Variants in CDH12 observed in about 807,000 individuals in gnomAD.
The protein encoded by CDH12 is cadherin-12.
CDH12 carries 41 observed loss-of-function variants against 74.1 expected under a neutral mutation model. The ratio of observed to expected loss-of-function variants is 0.55; its 90% confidence interval spans 0.43 to 0.72. The LOEUF (loss-of-function observed/expected upper bound fraction) is 0.72, where lower values mean the gene tolerates loss of function less well. Ranked by LOEUF, CDH12 falls within the 30% of genes least tolerant of loss-of-function variation. CDH12 has a pLI of 0.00. For missense variants in CDH12, 945 were observed against 977.2 expected, an observed-to-expected ratio of 0.97 and a Z score of 0.44; for synonymous variants, 399 against 355.0, an observed-to-expected ratio of 1.12 and a Z score of -1.39.
At chr5:22,003,299 TA>T (rs1480963640) in intron 5 of CDH12, among the ~76,000 whole-genome samples, 22 of 152,174 alleles carry the variant, frequency 1.4e-4, no homozygotes, top group African/African-American at 5.3e-4. Context: ...TAACTGGAAT[TA>T]GTTAATGAAG....
intron 1 of CDH12, among the ~76,000 whole-genome samples, chr5:22,819,820 G>T (rs1212782208): frequency 6.7e-6 from 1 of 149,970 alleles, no homozygotes; most frequent in East Asian, 1.9e-4. Flanking sequence ...AAGATATCCA[G>T]ATACTTAAAT....
chr5:22,121,083 C>A (rs1745487992), intron 4 of CDH12, among the ~76,000 whole-genome samples: 1 of 151,994 alleles, frequency 6.6e-6, no homozygotes, highest in South Asian at 2.1e-4. Flanking sequence ...TCACTTAATT[C>A]CAAATTTAAA....
At chr5:22,436,946 T>C (rs1337904432) in intron 2 of CDH12, among the ~76,000 whole-genome samples, 1 of 152,096 alleles carries the variant, frequency 6.6e-6, no homozygotes, top group Non-Finnish European at 1.5e-5. Flanking sequence ...CATGTATAAA[T>C]ATGTGGTAAA....
intron 1 of CDH12, among the ~76,000 whole-genome samples, chr5:22,782,198 T>G (rs1316082838): frequency 5.3e-5 from 8 of 152,138 alleles, no homozygotes; most frequent in African/African-American, 1.7e-4. Flanking sequence ...AAGACATGAT[T>G]GGCTTTGAAA....
intron 5 of CDH12, among the ~76,000 whole-genome samples, chr5:22,059,158 A>T (rs1740977480): frequency 6.6e-6 from 1 of 152,118 alleles, no homozygotes; most frequent in Non-Finnish European, 1.5e-5. Flanking sequence ...TAGTTGCTCA[A>T]AAGGTTTTAA....
chr5:22,323,785 A>G (rs190889090), intron 3 of CDH12, among the ~76,000 whole-genome samples: 1 of 151,994 alleles, frequency 6.6e-6, no homozygotes, highest in Non-Finnish European at 1.5e-5. Flanking sequence ...CTTTGCTTTA[A>G]GTTATAGAAA....
At chr5:22,780,855 T>C (rs188428202) in intron 1 of CDH12, among the ~76,000 whole-genome samples, 1 of 152,306 alleles carries the variant, frequency 6.6e-6, no homozygotes. Context: ...ACTTGTGGTA[T>C]AAATATTTGC....
At chr5:22,242,133 C>T (rs1375857283) in intron 3 of CDH12, among the ~76,000 whole-genome samples, 1 of 152,050 alleles carries the variant, frequency 6.6e-6, no homozygotes, top group African/African-American at 2.4e-5. Context: ...GTCATACCTC[C>T]AGTCAGAAAG....
chr5:22,819,785 A>T (rs1749576041), intron 1 of CDH12, among the ~76,000 whole-genome samples: 1 of 151,254 alleles, frequency 6.6e-6, no homozygotes, highest in East Asian at 1.9e-4. Context: ...TGGTCATAGA[A>T]AAAACAGAAA....
At chr5:22,335,658 C>T (rs550477991) in intron 3 of CDH12, among the ~76,000 whole-genome samples, 6 of 152,082 alleles carry the variant, frequency 3.9e-5, no homozygotes, top group African/African-American at 1.4e-4. Flanking sequence ...TGCTGCTATC[C>T]ATGTAAAACG....
intron 4 of CDH12, among the ~76,000 whole-genome samples, chr5:22,202,424 A>G (rs1561215780): frequency 6.6e-6 from 1 of 152,160 alleles, no homozygotes. Flanking sequence ...AATTAGTTTC[A>G]GCTAATATTA....
intron 5 of CDH12, among the ~76,000 whole-genome samples, chr5:22,044,355 T>C (rs1185218467): frequency 6.6e-6 from 1 of 152,132 alleles, no homozygotes; most frequent in Non-Finnish European, 1.5e-5. Flanking sequence ...TCTGCATGGC[T>C]GGAAGGACTC....
At chr5:22,767,676 G>A (rs183530098) in intron 1 of CDH12, among the ~76,000 whole-genome samples, 183 of 152,016 alleles carry the variant, frequency 1.2e-3, no homozygotes, top group African/African-American at 4.3e-3. Flanking sequence ...AAAATTAATA[G>A]CCCTAATTAT....
At chr5:22,542,715 A>G (rs1047404214) in intron 1 of CDH12, among the ~76,000 whole-genome samples, 4 of 152,146 alleles carry the variant, frequency 2.6e-5, no homozygotes, top group African/African-American at 9.7e-5. Flanking sequence ...TAAGATGTGA[A>G]AAAAATTCTA....
At chr5:22,619,685 C>T (rs1028031604) in intron 1 of CDH12, among the ~76,000 whole-genome samples, 5 of 151,626 alleles carry the variant, frequency 3.3e-5, no homozygotes, top group African/African-American at 9.7e-5. Context: ...TGAGGCTTCT[C>T]TTGATACATT....
chr5:22,799,339 T>G (rs1418676710), intron 1 of CDH12, among the ~76,000 whole-genome samples: 1 of 152,198 alleles, frequency 6.6e-6, no homozygotes, highest in African/African-American at 2.4e-5. Flanking sequence ...AATCATACAG[T>G]AATGAAATAT....
chr5:22,792,095 T>C (rs1400035357), intron 1 of CDH12, among the ~76,000 whole-genome samples: 2 of 151,114 alleles, frequency 1.3e-5, no homozygotes, highest in African/African-American at 4.9e-5. Context: ...GCTTTTTTTT[T>C]TTTTTTTTTG....
chr5:21,931,973 T>C lies in CDH12; in HGVS notation c.526+43118A>G, dbSNP rs2150081862. 3.3e-5 allele frequency among the ~76,000 whole-genome samples: 5 copies of C among 152,280 alleles called. 1 individual carries two copies. Among genetic ancestry groups the C allele is most frequent in the Admixed American group, 3.3e-4 (5 of 15,298 alleles). ...AGACTTGAAAGGTGGACCCTGGGGGTGATGACAAACACAGGTTTTTTAATC... is the reference window on the plus strand; with the variant it reads ...AGACTTGAAAGGTGGACCCTGGGGGCGATGACAAACACAGGTTTTTTAATC... On this transcript the variant is annotated intron_variant, in intron 6 of 14. Coordinates refer to ENST00000382254, the MANE Select transcript of CDH12 (RefSeq NM_004061.5).
intron 3 of CDH12, among the ~76,000 whole-genome samples, chr5:22,371,011 G>A (rs1580575667): frequency 6.6e-6 from 1 of 152,142 alleles, no homozygotes; most frequent in Admixed American, 6.6e-5. Context: ...ATCTTGAGAA[G>A]AGAGGTATAA....
Sources: gnomAD v4.1 joint callset for allele counts (sites outside exome capture counted in the v4.1 genomes callset) on GRCh38, gnomAD v4.1.1 for gene constraint, MANE v1.5 for transcripts, NCBI Gene and HGNC (gene_info 2026-07-23, HGNC 2026-07-21) for gene names.